Variants in LRFN2 observed in about 807,000 individuals in gnomAD.
The protein encoded by LRFN2 is leucine-rich repeat and fibronectin type-III domain-containing protein 2.
A neutral mutation model predicts 37.3 loss-of-function variants in LRFN2; 18 were observed. The ratio of observed to expected loss-of-function variants is 0.48; its 90% CI spans 0.33 to 0.72. The LOEUF is 0.72. Ranked by LOEUF, LRFN2 falls within the 30% of genes least tolerant of loss-of-function variation. LRFN2 has a pLI of 0.02. For missense variants in LRFN2, 1,006 were observed against 1,060.7 expected (o/e 0.95, Z 0.72); for synonymous variants, 556 against 466.6 (o/e 1.19, Z -2.47).
At chr6:40,570,779 A>G (rs553855267) in intron 1 of LRFN2, among the ~76,000 whole-genome samples, 2 of 152,378 alleles carry the variant, frequency 1.3e-5, no homozygotes, top group East Asian at 3.9e-4. Context: ...TGTTCTAGGC[A>G]GAATGCAAAG....
At chr6:40,504,229 A>G (rs545958135) in intron 1 of LRFN2, among the ~76,000 whole-genome samples, 2 of 152,314 alleles carry the variant, frequency 1.3e-5, no homozygotes, top group Admixed American at 6.5e-5. Flanking sequence ...GAATTTTCCA[A>G]TTGGTCCTGG....
chr6:40,397,840 G>A (rs1762647683), intron 2 of LRFN2, among the ~76,000 whole-genome samples: 1 of 152,038 alleles, frequency 6.6e-6, no homozygotes, highest in Admixed American at 6.5e-5. Context: ...GTAGGCCAGT[G>A]CTGCTTGTAG....
intron 1 of LRFN2, among the ~76,000 whole-genome samples, chr6:40,476,135 C>A (rs762334357): frequency 6.6e-6 from 1 of 152,188 alleles, no homozygotes; most frequent in Non-Finnish European, 1.5e-5. Context: ...ATGCCACAAC[C>A]CTGTACCTTA....
At chr6:40,523,500 A>C in intron 1 of LRFN2, among the ~76,000 whole-genome samples, 1 of 116,454 alleles carries the variant, frequency 8.6e-6, no homozygotes, top group Non-Finnish European at 1.7e-5. Context: ...AAGCATCTTT[A>C]GGTGATTTTT....
intron 1 of LRFN2, among the ~76,000 whole-genome samples, chr6:40,561,393 T>C (rs971398913): frequency 1.3e-5 from 2 of 152,054 alleles, no homozygotes; most frequent in Admixed American, 1.3e-4. Flanking sequence ...AGAAAGGCAA[T>C]GGCCGGTTGG....
chr6:40,538,505 T>C (rs1445170311), intron 1 of LRFN2, among the ~76,000 whole-genome samples: 2 of 152,360 alleles, frequency 1.3e-5, no homozygotes, highest in East Asian at 3.9e-4. Flanking sequence ...AATCCTCGCA[T>C]CCAAGGCCCT....
At chr6:40,446,026 T>C (rs1763960630) in intron 1 of LRFN2, among the ~76,000 whole-genome samples, 1 of 152,204 alleles carries the variant, frequency 6.6e-6, no homozygotes, top group South Asian at 2.1e-4. Context: ...GGAGAAGCTT[T>C]GGTAAAGAAT....
chr6:40,482,244 T>C (rs993742770), intron 1 of LRFN2, among the ~76,000 whole-genome samples: 1 of 152,112 alleles, frequency 6.6e-6, no homozygotes, highest in Non-Finnish European at 1.5e-5. Flanking sequence ...CTAAAGAGGG[T>C]TTCTCTGCTG....
At position 40,433,126 on chromosome 6, in the gene LRFN2, C is replaced by G. The variant is rs991095549; in HGVS notation, c.-13G>C. The G allele has an allele frequency of 6.6e-7, 1 of 1,516,190 alleles. No homozygotes were observed. The allele number at this position is 1,516,190 out of a possible 1,614,324, so 93.9% of individuals were successfully genotyped here. On this transcript the variant is annotated 5_prime_UTR_variant, in exon 2 of 3. Transcript: ENST00000338305. ...GCAGGGTCTCCATGGTCTGGTCACT[C>G]AGCGCCTGGAAGGGAGAAACACAAG... is the stretch of plus-strand genomic sequence containing the variant.
At chr6:40,553,034 C>T (rs978702040) in intron 1 of LRFN2, among the ~76,000 whole-genome samples, 2 of 152,200 alleles carry the variant, frequency 1.3e-5, no homozygotes, top group South Asian at 4.1e-4. Context: ...CCTGGTTCTC[C>T]GAGCAGGTGT....
intron 1 of LRFN2, among the ~76,000 whole-genome samples, chr6:40,557,032 C>T (rs1218622328): frequency 1.3e-5 from 2 of 152,168 alleles, no homozygotes; most frequent in Non-Finnish European, 2.9e-5. Flanking sequence ...TCGGGTCTCC[C>T]TTTCCCCAAG....
At chr6:40,494,804 C>G (rs1413173061) in intron 1 of LRFN2, among the ~76,000 whole-genome samples, 1 of 152,216 alleles carries the variant, frequency 6.6e-6, no homozygotes, top group East Asian at 1.9e-4. Flanking sequence ...ATTCTTCCAC[C>G]TGATTGAGAG....
intron 1 of LRFN2, among the ~76,000 whole-genome samples, chr6:40,454,660 T>C (rs1325114291): frequency 2.0e-5 from 3 of 152,178 alleles, no homozygotes; most frequent in Non-Finnish European, 4.4e-5. Flanking sequence ...ACTTATCTTA[T>C]CAGGACTCTA....
rs751384640 is a variant in LRFN2, at chr6:40,432,619, C to G, written c.495G>C (p.Pro165=). Residue 165 remains proline (P), a synonymous_variant, in exon 2 of 3, where the codon CCG becomes CCC. Coordinates refer to ENST00000338305, the MANE Select transcript of LRFN2 (RefSeq NM_020737.3). The stretch of plus-strand genomic sequence containing the variant: ...TGACCATGCGTCGCACGGAGTCCCA[C>G]GGCAGGCCATGGAGGTTGTTGTAGG... ...DLSYNNLHGL[P]WDSVRRMVNL... is the part of the protein sequence containing the mutation. 1 of 1,614,088 alleles carries G rather than the reference C, an allele frequency of 6.2e-7. No homozygotes were observed. Among genetic ancestry groups the G allele is most frequent in the African/African-American group, 1.3e-5 (1 of 74,942 alleles).
intron 1 of LRFN2, among the ~76,000 whole-genome samples, chr6:40,518,026 C>T (rs545088498): frequency 2.6e-5 from 4 of 152,120 alleles, no homozygotes; most frequent in Non-Finnish European, 5.9e-5. Flanking sequence ...AAGTATAAAA[C>T]GCCCTGTGCA....
chr6:40,395,868 T>C (rs1762604385), intron 2 of LRFN2, among the ~76,000 whole-genome samples: 2 of 152,156 alleles, frequency 1.3e-5, no homozygotes, highest in Non-Finnish European at 2.9e-5. Flanking sequence ...GCCACAGTGA[T>C]ATAAGAGCAT....
chr6:40,580,319 G>A (rs1048472921), intron 1 of LRFN2, among the ~76,000 whole-genome samples: 1 of 152,176 alleles, frequency 6.6e-6, no homozygotes, highest in African/African-American at 2.4e-5. Context: ...AGGAAGACAC[G>A]ATCACCAAGA....
chr6:40,412,416 G>A (rs1762991710), intron 2 of LRFN2, among the ~76,000 whole-genome samples: 1 of 152,158 alleles, frequency 6.6e-6, no homozygotes, highest in Non-Finnish European at 1.5e-5. Context: ...GCCTAGCCTG[G>A]GGCTGCACAG....
intron 1 of LRFN2, among the ~76,000 whole-genome samples, chr6:40,571,982 AGGG>A (rs1159880885): frequency 4.6e-5 from 7 of 152,108 alleles, no homozygotes; most frequent in Admixed American, 3.9e-4. Flanking sequence ...TCTCCAAAAC[AGGG>A]GGGGCTCCGA....
Sources: gnomAD v4.1 joint callset for allele counts (sites outside exome capture counted in the v4.1 genomes callset) on GRCh38, gnomAD v4.1.1 for gene constraint, MANE v1.5 for transcripts, NCBI Gene and HGNC (gene_info 2026-07-23, HGNC 2026-07-21) for gene names.